The following LINGO2 variants were observed in gnomAD, a reference collection of about 807,000 sequenced individuals.
The protein encoded by LINGO2 is leucine rich repeat and Ig domain containing 2.
LINGO2 carries 14 observed loss-of-function variants against 30.6 expected under a neutral mutation model. The ratio of observed to expected loss-of-function variants is 0.46; its 90% CI spans 0.30 to 0.72. The LOEUF is 0.72. LINGO2 is among the 30% of genes least tolerant of loss of function. The probability of loss-of-function intolerance (pLI) is 0.07; values close to 1 mark genes in which losing one functional copy is unlikely to be tolerated. For synonymous variants in LINGO2, 317 were observed against 288.5 expected (o/e 1.10, Z -1.00); for missense variants, 729 against 751.7 (o/e 0.97, Z 0.35).
the LINGO2 span, among the ~76,000 whole-genome samples, chr9:28,735,066 T>A: frequency 1.3e-5 from 2 of 152,330 alleles, no homozygotes; most frequent in Non-Finnish European, 2.9e-5. Flanking sequence ...GATTTTTTTA[T>A]CTTCTGCAAT....
At chr9:28,721,574 C>G in the LINGO2 span, among the ~76,000 whole-genome samples, 2 of 152,142 alleles carry the variant, frequency 1.3e-5, no homozygotes, top group African/African-American at 4.8e-5. Flanking sequence ...AAACCAAACA[C>G]TGCATGTTCT....
the LINGO2 span, among the ~76,000 whole-genome samples, chr9:29,154,127 C>T: frequency 3.3e-5 from 5 of 152,074 alleles, no homozygotes; most frequent in African/African-American, 9.7e-5. Flanking sequence ...AACTAAAAAT[C>T]ACCTTTAAGA....
the LINGO2 span, among the ~76,000 whole-genome samples, chr9:29,149,770 T>C: frequency 6.6e-6 from 1 of 152,198 alleles, no homozygotes; most frequent in African/African-American, 2.4e-5. Context: ...ATGGGGCAGC[T>C]GCAGCAGAAC....
At chr9:28,217,630 C>T (rs1820814547) in intron 4 of LINGO2, among the ~76,000 whole-genome samples, 1 of 151,526 alleles carries the variant, frequency 6.6e-6, no homozygotes, top group South Asian at 2.1e-4. Flanking sequence ...CCTTATTTTC[C>T]CATAGTTTAT....
the LINGO2 span, among the ~76,000 whole-genome samples, chr9:29,071,067 T>C: frequency 6.6e-6 from 1 of 150,598 alleles, no homozygotes; most frequent in Non-Finnish European, 1.5e-5. Flanking sequence ...CCCATACATA[T>C]TATATCTAAA....
the LINGO2 span, among the ~76,000 whole-genome samples, chr9:28,913,742 T>A: frequency 6.6e-6 from 1 of 152,268 alleles, no homozygotes; most frequent in Admixed American, 6.5e-5. Context: ...ATAATGCTTA[T>A]TACATATTCA....
intron 4 of LINGO2, among the ~76,000 whole-genome samples, chr9:28,064,828 A>C (rs969873667): frequency 6.6e-6 from 1 of 152,024 alleles, no homozygotes; most frequent in Non-Finnish European, 1.5e-5. Context: ...CATGTTGGGG[A>C]AATGATTTTT....
At chr9:27,990,465 C>CA (rs72338075) in intron 5 of LINGO2, among the ~76,000 whole-genome samples, 23 of 116,082 alleles carry the variant, frequency 2.0e-4, no homozygotes, top group African/African-American at 5.0e-4. Flanking sequence ...TCTCAATACC[C>CA]CCCCCCCTTT....
intron 3 of LINGO2, among the ~76,000 whole-genome samples, chr9:28,325,239 T>C (rs548855327): frequency 1.3e-5 from 2 of 152,244 alleles, no homozygotes; most frequent in African/African-American, 4.8e-5. Flanking sequence ...TTATAAATAA[T>C]TTATCCTCCC....
At chr9:28,244,298 C>T (rs1045949811) in intron 4 of LINGO2, among the ~76,000 whole-genome samples, 1 of 152,092 alleles carries the variant, frequency 6.6e-6, no homozygotes, top group Non-Finnish European at 1.5e-5. Context: ...AGACAATGTA[C>T]CAGAATCTCT....
At position 28,027,756 on chromosome 9, in the gene LINGO2, A is replaced by C. The variant is rs1340804230; in HGVS notation, c.-86-15351T>G. ...ACAATGAAACACGTCATGTCTGCTTAGTAGATAAGAGCTATCATTCTAGCC... is the reference window on the plus strand; with the variant it reads ...ACAATGAAACACGTCATGTCTGCTTCGTAGATAAGAGCTATCATTCTAGCC... On this transcript the variant is annotated intron_variant, in intron 4 of 5. Coordinates refer to ENST00000379992, the Ensembl canonical transcript of LINGO2. Among the ~76,000 whole-genome samples the C allele has an allele frequency of 2.0e-5, 3 of 152,350 alleles. No homozygotes were observed. In the East Asian group the frequency reaches 5.8e-4, roughly 29 times the overall value.
At chr9:28,726,835 C>G in the LINGO2 span, among the ~76,000 whole-genome samples, 3 of 152,086 alleles carry the variant, frequency 2.0e-5, no homozygotes, top group African/African-American at 7.2e-5. Flanking sequence ...TTGTTATATT[C>G]CATTTGGTAC....
the LINGO2 span, chr9:27,940,304 TA>T: frequency 1.3e-5 from 2 of 152,192 alleles, no homozygotes; most frequent in East Asian, 3.9e-4. Flanking sequence ...ATAGCTGTAA[TA>T]AGCGATCTCC....
chr9:28,608,597 G>A (rs1040684015), intron 1 of LINGO2, among the ~76,000 whole-genome samples: 14 of 151,888 alleles, frequency 9.2e-5, no homozygotes, highest in African/African-American at 9.6e-5. Context: ...TTTGGTCCGC[G>A]CAAATTTTCA....
the LINGO2 span, among the ~76,000 whole-genome samples, chr9:28,716,972 A>T: frequency 6.6e-6 from 1 of 152,220 alleles, no homozygotes; most frequent in Non-Finnish European, 1.5e-5. Context: ...ACATTTTAGT[A>T]TAAAATCTGC....
chr9:28,735,898 G>A, the LINGO2 span, among the ~76,000 whole-genome samples: 1 of 152,150 alleles, frequency 6.6e-6, no homozygotes. Flanking sequence ...AGGAGTGTAA[G>A]ACTTACTGTT....
intron 1 of LINGO2, among the ~76,000 whole-genome samples, chr9:28,524,205 G>T (rs186699964): frequency 6.6e-6 from 1 of 152,200 alleles, no homozygotes; most frequent in Admixed American, 6.5e-5. Flanking sequence ...TACTAGAACA[G>T]TTGGATAATA....
chr9:29,015,772 T>G, the LINGO2 span, among the ~76,000 whole-genome samples: 2 of 152,124 alleles, frequency 1.3e-5, no homozygotes, highest in African/African-American at 4.8e-5. Context: ...ATGCTCACTA[T>G]CCTCATAATT....
the LINGO2 span, among the ~76,000 whole-genome samples, chr9:29,094,011 T>A: frequency 3.6e-5 from 5 of 139,064 alleles, 1 homozygote; most frequent in African/African-American, 1.3e-4. Flanking sequence ...TTTAAATATA[T>A]ATTTGAAATC....
Sources: gnomAD v4.1 joint callset for allele counts (sites outside exome capture counted in the v4.1 genomes callset) on GRCh38, gnomAD v4.1.1 for gene constraint, MANE v1.5 for transcripts, NCBI Gene and HGNC (gene_info 2026-07-23, HGNC 2026-07-21) for gene names.